TENM3: variants seen among roughly 807,000 people sequenced by gnomAD.
TENM3 encodes teneurin-3.
In TENM3, 63 loss-of-function variants were observed where a neutral mutation model predicts 255.1. The ratio of observed to expected loss-of-function variants is 0.25; its 90% CI spans 0.20 to 0.30. The LOEUF (loss-of-function observed/expected upper bound fraction) is 0.30, where lower values mean the gene tolerates loss of function less well. TENM3 is among the 10% of genes least tolerant of loss of function. The pLI, the probability that TENM3 is intolerant of heterozygous loss-of-function variation, is 1.00. For synonymous variants in TENM3, 1,306 were observed against 1,322.3 expected (o/e 0.99, Z 0.27); for missense variants, 2,929 against 3,461.1 (o/e 0.85, Z 3.86).
chr4:181,544,116 G>A, the TENM3 span, among the ~76,000 whole-genome samples: 9 of 151,870 alleles, frequency 5.9e-5, no homozygotes, highest in South Asian at 8.3e-4. Context: ...TTCTAATTCC[G>A]TTACCCCAGA....
At chr4:181,690,682 A>G in the TENM3 span, among the ~76,000 whole-genome samples, 1 of 152,334 alleles carries the variant, frequency 6.6e-6, no homozygotes, top group Non-Finnish European at 1.5e-5. Flanking sequence ...GGGAAGGGAA[A>G]TAATTTAGCA....
chr4:182,262,899 G>A (rs1304971911), intron 1 of TENM3, among the ~76,000 whole-genome samples: 1 of 151,892 alleles, frequency 6.6e-6, no homozygotes, highest in East Asian at 1.9e-4. Context: ...ATTTTTAGTA[G>A]AGACGGGGTT....
the TENM3 span, among the ~76,000 whole-genome samples, chr4:182,047,701 C>G: frequency 1.3e-5 from 2 of 151,874 alleles, no homozygotes; most frequent in Non-Finnish European, 2.9e-5. Flanking sequence ...GTAGAGGCAG[C>G]AACTCAGAAT....
chr4:182,727,045 CTTAAG>C (rs1279765158), intron 13 of TENM3, among the ~76,000 whole-genome samples: 2 of 152,126 alleles, frequency 1.3e-5, no homozygotes, highest in Non-Finnish European at 2.9e-5. Flanking sequence ...AGACTTGATA[CTTAAG>C]TTGGAAGATT....
At chr4:182,169,231 A>G in intron 1 of TENM3, 1 of 468,806 alleles carries the variant, frequency 2.1e-6, no homozygotes, top group Admixed American at 2.4e-5. Context: ...CTGGCGAGTC[A>G]GGTTGGTTCT....
chr4:182,535,661 G>T (rs922367093), intron 3 of TENM3, among the ~76,000 whole-genome samples: 1 of 151,776 alleles, frequency 6.6e-6, no homozygotes, highest in African/African-American at 2.4e-5. Flanking sequence ...GGTTACTTGA[G>T]CCCAGGAGTT....
At chr4:181,580,340 T>TC in the TENM3 span, among the ~76,000 whole-genome samples, 1 of 151,860 alleles carries the variant, frequency 6.6e-6, no homozygotes, top group African/African-American at 2.4e-5. Context: ...GGTGGTGGCT[T>TC]CCCCCGACTG....
the TENM3 span, among the ~76,000 whole-genome samples, chr4:181,577,099 TTTA>T: frequency 0.28 from 36,071 of 130,242 alleles, 5,867 homozygotes; most frequent in African/African-American, 0.45. Context: ...TAATATATAT[TTTA>T]TTATTATATA....
At chr4:182,729,786 C>G (rs2152709508) in intron 14 of TENM3, among the ~76,000 whole-genome samples, 1 of 152,268 alleles carries the variant, frequency 6.6e-6, no homozygotes, top group East Asian at 1.9e-4. Flanking sequence ...ACAAATGTTC[C>G]TTATCGCCCC....
At chr4:182,197,183 A>G (rs1753882349) in intron 1 of TENM3, among the ~76,000 whole-genome samples, 2 of 152,208 alleles carry the variant, frequency 1.3e-5, no homozygotes, top group Admixed American at 6.5e-5. Context: ...AAGCTTTTTA[A>G]CCAGTTACAC....
chr4:182,251,993 G>C (rs1051539486), intron 1 of TENM3, among the ~76,000 whole-genome samples: 1 of 152,046 alleles, frequency 6.6e-6, no homozygotes, highest in Non-Finnish European at 1.5e-5. Context: ...GACCAGCCTG[G>C]CCAACATGGT....
intron 3 of TENM3, among the ~76,000 whole-genome samples, chr4:182,589,794 G>A (rs1182534852): frequency 6.6e-6 from 1 of 152,040 alleles, no homozygotes; most frequent in African/African-American, 2.4e-5. Context: ...CCAACATGGT[G>A]AAACCCCATC....
At chr4:182,729,233 C>T in intron 14 of TENM3, 52 bp downstream of exon 14, 1 of 1,452,658 alleles carries the variant, frequency 6.9e-7, no homozygotes, top group Non-Finnish European at 9.6e-7. Flanking sequence ...TCAACAGTTA[C>T]ATACACTTAT....
the TENM3 span, among the ~76,000 whole-genome samples, chr4:182,100,650 C>CACATATATACACAT: frequency 1.4e-4 from 5 of 35,568 alleles, no homozygotes; most frequent in Admixed American, 3.2e-4. Context: ...TATATATACA[C>CACATATATACACAT]ATATATACAC....
At chr4:181,562,502 T>C in the TENM3 span, among the ~76,000 whole-genome samples, 2 of 152,100 alleles carry the variant, frequency 1.3e-5, no homozygotes, top group African/African-American at 4.8e-5. Flanking sequence ...CAGCAAGCAA[T>C]TTGGTATATG....
chr4:182,365,173 A>T (rs536500399), intron 3 of TENM3, among the ~76,000 whole-genome samples: 1 of 152,208 alleles, frequency 6.6e-6, no homozygotes, highest in African/African-American at 2.4e-5. Flanking sequence ...ACATTTTCAC[A>T]TGTATGTACC....
chr4:181,757,999 C>A, the TENM3 span, among the ~76,000 whole-genome samples: 3 of 152,126 alleles, frequency 2.0e-5, no homozygotes, highest in Non-Finnish European at 4.4e-5. Context: ...CTCCCCTTCT[C>A]CAGCCCTAAG....
intron 1 of TENM3, among the ~76,000 whole-genome samples, chr4:182,292,315 C>G (rs1761181131): frequency 6.6e-6 from 1 of 152,150 alleles, no homozygotes; most frequent in Non-Finnish European, 1.5e-5. Flanking sequence ...CACCCTTACA[C>G]ACATTTGGGA....
chr4:182,740,374 T>C (rs1420671464), intron 18 of TENM3, among the ~76,000 whole-genome samples: 2 of 152,232 alleles, frequency 1.3e-5, no homozygotes, highest in African/African-American at 2.4e-5. Flanking sequence ...TTCATTCTGT[T>C]ATATTAGTAG....
Sources: gnomAD v4.1 joint callset for allele counts (sites outside exome capture counted in the v4.1 genomes callset) on GRCh38, gnomAD v4.1.1 for gene constraint, MANE v1.5 for transcripts, NCBI Gene and HGNC (gene_info 2026-07-23, HGNC 2026-07-21) for gene names.